The following STARD9 variants were observed in gnomAD, a reference collection of about 807,000 sequenced individuals.
The protein encoded by STARD9 is StAR related lipid transfer domain containing 9.
STARD9 carries 346 observed loss-of-function variants against 399.8 expected under a neutral mutation model. The observed-to-expected ratio is 0.87, with a 90% CI of 0.79 to 0.95. The LOEUF is 0.95. STARD9 is among the 40% of genes least tolerant of loss of function. The pLI, the probability that STARD9 is intolerant of heterozygous loss-of-function variation, is 0.00. For missense variants in STARD9, 5,832 were observed against 5,667.5 expected (o/e 1.03, Z -0.93); for synonymous variants, 2,203 against 2,143.5 (o/e 1.03, Z -0.77).
intron 3 of STARD9, among the ~76,000 whole-genome samples, chr15:42,614,890 G>A (rs1394640325): frequency 2.0e-5 from 3 of 152,002 alleles, no homozygotes; most frequent in African/African-American, 7.2e-5. Context: ...CCTTGAACCC[G>A]GGAGGCGGAG....
chr15:42,694,680 G>A lies in STARD9; in HGVS notation c.12917G>A (p.Arg4306Gln), dbSNP rs1328894507. Residue 4306 changes from arginine to glutamine, a missense_variant, in exon 24 of 33, where the codon CGA (arginine) becomes CAA (glutamine). Arg to Gln is a conservative substitution (Grantham distance 43). Transcript: ENST00000290607. Reference protein sequence around the residue: ...IWDLDLPSRRREYLQQLRKDV... With the variant: ...IWDLDLPSRRQEYLQQLRKDV... ...GATCTTGACTTGCCCAGCAGACGCC[G>A]AGAATACCTGCAGCAACTGAGGAAG... 23 of 1,537,054 alleles carry A rather than the reference G, an allele frequency of 1.5e-5. 1 individual carries two copies. Among genetic ancestry groups the A allele is most frequent in the Middle Eastern group, 1.7e-4 (1 of 6,012 alleles).
rs1340113660 is a variant in STARD9 at position 42,689,229 on chromosome 15, A to G, written c.7651A>G (p.Ile2551Val). The change falls in exon 23 of 33, where the codon ATC becomes GTC. Residue 2551 changes from isoleucine to valine, a missense_variant. Coordinates refer to ENST00000290607, the MANE Select transcript of STARD9 (RefSeq NM_020759.3). ...PSDHASMCLA[I>V]LEEIRQAKAQ... Reference sequence around the variant, plus strand: ...TGACCATGCATCCATGTGCCTGGCCATCTTGGAGGAGATCAGACAGGCAAA... The same window carrying G: ...TGACCATGCATCCATGTGCCTGGCCGTCTTGGAGGAGATCAGACAGGCAAA... The G allele has an allele frequency of 1.4e-5, 22 of 1,537,282 alleles. No homozygotes were observed. In the East Asian group the frequency reaches 4.9e-4, roughly 34 times the overall value.
intron 1 of STARD9, chr15:42,581,300 G>T: frequency 8.5e-7 from 1 of 1,182,136 alleles, no homozygotes; most frequent in Non-Finnish European, 1.3e-6. Flanking sequence ...TGGAAGAACT[G>T]CGAAGATCCA....
At position 42,664,520 on chromosome 15, in the gene STARD9, T is replaced by C. The variant is rs117352983; in HGVS notation, c.1176+603T>C. On this transcript the variant is annotated intron_variant, in intron 13 of 32. Coordinates refer to ENST00000290607, the MANE Select transcript of STARD9 (RefSeq NM_020759.3). ...CTGGAACCACAGGTGCCTGCCACCA[T>C]GTTAGGCTGGTTTTCAAAAAAATTT... 2.0e-3 allele frequency among the ~76,000 whole-genome samples: 303 copies of C among 152,162 alleles called. 10 individuals carry two copies. In the East Asian group the frequency reaches 0.056, roughly 28 times the overall value.
At chr15:42,610,844 GC>G (rs2058834092) in intron 3 of STARD9, among the ~76,000 whole-genome samples, 1 of 152,178 alleles carries the variant, frequency 6.6e-6, no homozygotes, top group African/African-American at 2.4e-5. Context: ...ACCGTGCCTG[GC>G]CCAAACTGAT....
chr15:42,588,814 T>G (rs1445530917), intron 3 of STARD9, among the ~76,000 whole-genome samples: 2 of 60,396 alleles, frequency 3.3e-5, no homozygotes, highest in African/African-American at 4.9e-5. Flanking sequence ...TTTTTTTTTT[T>G]TGGAGTGGGG....
rs62019320 is a variant in STARD9, at chr15:42,603,191, C to G, written c.234+17554C>G. 2.6e-5 allele frequency among the ~76,000 whole-genome samples: 4 copies of G among 152,124 alleles called. No individual in the cohort carries two copies. In the East Asian group the frequency reaches 7.7e-4, roughly 29 times the overall value. On this transcript the variant is annotated intron_variant, in intron 3 of 32. Coordinates refer to ENST00000290607, the MANE Select transcript of STARD9 (RefSeq NM_020759.3). ...TTTTATTTATTTATTTATTTATTTT[C>G]GAGACAGAGTCTTGCTCTGTTGCCT...
intron 9 of STARD9, among the ~76,000 whole-genome samples, chr15:42,653,904 C>T (rs2059813432): frequency 6.6e-6 from 1 of 152,028 alleles, no homozygotes; most frequent in Non-Finnish European, 1.5e-5. Flanking sequence ...CATTTTTGTA[C>T]ATTGTCATAT....
chr15:42,686,452 A>G lies in STARD9; in HGVS notation c.4874A>G (p.Lys1625Arg), dbSNP rs774293115. 1.3e-6 allele frequency: 2 copies of G among 1,537,834 alleles called. No homozygotes were observed. The highest frequency in any genetic ancestry group is 1.7e-4 in the Middle Eastern group (1 of 5,996). ...TCCATGACAGAAGCATGTGAAGTCA[A>G]GCAGAACAACTTGGAAGAATGCCTT... Reference protein sequence around the residue: ...PDSMTEACEVKQNNLEECLQS... With the variant: ...PDSMTEACEVRQNNLEECLQS... The change falls in exon 23 of 33, where the codon AAG (lysine) becomes AGG (arginine). Residue 1625 changes from lysine (K) to arginine (R), a missense_variant. Physicochemically the swap from Lys to Arg is conservative, Grantham distance 26. This residue lies in a region of STARD9 where 5,828 missense variants were observed against 5,651.1 expected (regional missense o/e 1.03). Transcript: ENST00000290607.
intron 1 of STARD9, among the ~76,000 whole-genome samples, chr15:42,582,891 G>T (rs1004191582): frequency 6.6e-6 from 1 of 152,154 alleles, no homozygotes; most frequent in African/African-American, 2.4e-5. Flanking sequence ...GACTTCTAAG[G>T]TATAATTCAG....
Position 42,675,941 on chromosome 15 carries a change from C to A in STARD9, c.1840C>A (p.Arg614=), listed in dbSNP as rs576562056. ...LDLDGDLAAS[R]LGLSPLLWKE... is the part of the protein sequence containing the mutation. Reference sequence around the variant, plus strand: ...TTTGGATGGAGATCTCGCTGCCTCCCGGCTGGGTCTCTCCCCTTTGCTTTG... The same window carrying A: ...TTTGGATGGAGATCTCGCTGCCTCCAGGCTGGGTCTCTCCCCTTTGCTTTG... The change falls in exon 20 of 33, where the codon CGG becomes AGG. Residue 614 remains arginine (R), a synonymous_variant. Coordinates refer to ENST00000290607, the MANE Select transcript of STARD9 (RefSeq NM_020759.3). 6.5e-7 allele frequency: 1 copy of A among 1,535,042 alleles called. No homozygotes were observed. Among genetic ancestry groups the A allele is most frequent in the East Asian group, 2.5e-5 (1 of 40,702 alleles).
chr15:42,706,545 C>G (rs1035093303), intron 26 of STARD9, among the ~76,000 whole-genome samples: 1 of 151,508 alleles, frequency 6.6e-6, no homozygotes, highest in Non-Finnish European at 1.5e-5. Flanking sequence ...TCGCCTCAAT[C>G]TTTAAGCGAT....
chr15:42,648,763 C>G (rs1447782776), intron 7 of STARD9, among the ~76,000 whole-genome samples: 2 of 151,954 alleles, frequency 1.3e-5, no homozygotes, highest in Non-Finnish European at 2.9e-5. Flanking sequence ...TTTTTTCCCC[C>G]CTTCCCTCCA....
intron 20 of STARD9, among the ~76,000 whole-genome samples, chr15:42,680,662 A>C (rs1227927749): frequency 6.6e-6 from 1 of 152,158 alleles, no homozygotes; most frequent in Non-Finnish European, 1.5e-5. Flanking sequence ...CAAATACAAC[A>C]CAAATTATCA....
In STARD9 at chr15:42,688,928, A is replaced by AATCAC; in HGVS notation, c.7351_7355dup (p.Leu2453SerfsTer24). 6.5e-7 allele frequency: 1 copy of AATCAC among 1,537,394 alleles called. No homozygotes were observed. The highest frequency in any genetic ancestry group is 1.7e-4 in the Middle Eastern group (1 of 5,990). The stretch of plus-strand genomic sequence containing the variant: ...CCCAAGACCATGGAAAGGACCTCAG[A>AATCAC]ATCACCTTGCTGGGTTTCAGTACCA... On this transcript the variant is annotated frameshift_variant, in exon 23 of 33. Transcript: ENST00000290607. LOFTEE classifies it high-confidence loss of function.
chr15:42,614,265 C>T (rs1314596458), intron 3 of STARD9, among the ~76,000 whole-genome samples: 2 of 150,816 alleles, frequency 1.3e-5, no homozygotes, highest in Middle Eastern at 3.4e-3. Context: ...GAGCCAAGAT[C>T]GTGCCATTGC....
At position 42,687,907 on chromosome 15, in the gene STARD9, C is replaced by T. The variant is rs1296067505; in HGVS notation, c.6329C>T (p.Ser2110Phe). 2.0e-6 allele frequency: 3 copies of T among 1,537,150 alleles called. No individual in the cohort carries two copies. The highest frequency in any genetic ancestry group is 2.6e-6 in the Non-Finnish European group (3 of 1,146,952). The change falls in exon 23 of 33, where the codon TCT (serine) becomes TTT (phenylalanine). Residue 2110 changes from serine to phenylalanine, a missense_variant. Physicochemically the swap from Ser to Phe is radical, Grantham distance 155. Transcript: ENST00000290607. ...RPDSSGNPLP[S>F]KDQPSSPRQT... ...GACAGCTCTGGAAACCCTTTGCCCTCTAAGGATCAGCCATCTTCTCCAAGA... is the reference window on the plus strand; with the variant it reads ...GACAGCTCTGGAAACCCTTTGCCCTTTAAGGATCAGCCATCTTCTCCAAGA...
chr15:42,701,453 C>T (rs2140336366), intron 26 of STARD9, among the ~76,000 whole-genome samples: 1 of 152,200 alleles, frequency 6.6e-6, no homozygotes, highest in East Asian at 1.9e-4. Flanking sequence ...AGAGATCTTT[C>T]ACCTCTTTGG....
chr15:42,707,993 G>GAAA (rs71307484), intron 26 of STARD9, among the ~76,000 whole-genome samples: 2 of 130,266 alleles, frequency 1.5e-5, no homozygotes, highest in African/African-American at 2.7e-5. Flanking sequence ...GGGCAACATA[G>GAAA]AAAAAAAAAA....
Sources: gnomAD v4.1 joint callset for allele counts (sites outside exome capture counted in the v4.1 genomes callset) on GRCh38, gnomAD v4.1.1 for gene constraint, gnomAD v4.1.1 regional missense constraint, MANE v1.5 for transcripts, NCBI Gene and HGNC (gene_info 2026-07-23, HGNC 2026-07-21) for gene names.